The following TTC7B variants were observed in gnomAD, a reference collection of about 807,000 sequenced individuals.
TTC7B encodes the protein tetratricopeptide repeat domain 7B.
In TTC7B, 28 loss-of-function variants were observed where a neutral mutation model predicts 106.8. The observed-to-expected ratio is 0.26, with a 90% CI of 0.19 to 0.36. The LOEUF (loss-of-function observed/expected upper bound fraction) is 0.36. TTC7B is among the 10% of genes least tolerant of loss of function. TTC7B has a pLI of 1.00. For missense variants in TTC7B, 862 were observed against 1,076.4 expected (o/e 0.80, Z 2.79); for synonymous variants, 405 against 430.6 (o/e 0.94, Z 0.74).
chr14:90,776,841 G>A (rs1217977085), intron 3 of TTC7B, among the ~76,000 whole-genome samples: 1 of 152,176 alleles, frequency 6.6e-6, no homozygotes, highest in Non-Finnish European at 1.5e-5. Flanking sequence ...CCACTTCCTA[G>A]CTGTAGGACC....
At position 90,786,348 on chromosome 14, in the gene TTC7B, A is replaced by G. The variant is rs781466365; in HGVS notation, c.122-20T>C. The G allele has an allele frequency of 1.4e-5, 23 of 1,611,876 alleles. No individual in the cohort carries two copies. The East Asian group carries it at 5.1e-4, about 36-fold the overall frequency. On this transcript the variant is annotated intron_variant, in intron 1 of 19. Coordinates refer to ENST00000328459, the MANE Select transcript of TTC7B (RefSeq NM_001010854.2). ...TGTCATCTACAAAAACAAAGTGAGA[A>G]CAAAGTGGGAGCAAGGAATGGCCTG... is the stretch of plus-strand genomic sequence containing the variant.
intron 3 of TTC7B, among the ~76,000 whole-genome samples, chr14:90,760,335 C>T (rs1890457581): frequency 6.6e-6 from 1 of 152,180 alleles, no homozygotes; most frequent in African/African-American, 2.4e-5. Context: ...AAGACTAGGA[C>T]ATATCCTCCA....
chr14:90,744,776 C>T lies in TTC7B; in HGVS notation c.576+16G>A, dbSNP rs1448975135. On this transcript the variant is annotated intron_variant, in intron 4 of 19. Coordinates refer to ENST00000328459, the MANE Select transcript of TTC7B (RefSeq NM_001010854.2). The stretch of plus-strand genomic sequence containing the variant: ...GGGAAAAAGTTATCAGGAACAAACA[C>T]GTGGTCCTCACTTACCCTTTCTATC... 5 of 1,608,004 alleles carry T rather than the reference C, an allele frequency of 3.1e-6. No individual in the cohort carries two copies. Among genetic ancestry groups the T allele is most frequent in the Middle Eastern group, 1.7e-4 (1 of 5,982 alleles).
At chr14:90,779,394 C>G (rs1460873194) in intron 3 of TTC7B, among the ~76,000 whole-genome samples, 1 of 152,182 alleles carries the variant, frequency 6.6e-6, no homozygotes, top group Non-Finnish European at 1.5e-5. Context: ...ACCTCTGCCT[C>G]CCGGGTTTCC....
intron 1 of TTC7B, among the ~76,000 whole-genome samples, chr14:90,804,265 C>T (rs1397569410): frequency 5.9e-5 from 9 of 151,348 alleles, no homozygotes; most frequent in Non-Finnish European, 1.2e-4. Context: ...ACCCGGGAGG[C>T]GGAGCTTGCA....
At chr14:90,668,672 G>A (rs532207673) in intron 9 of TTC7B, among the ~76,000 whole-genome samples, 2 of 152,190 alleles carry the variant, frequency 1.3e-5, no homozygotes, top group South Asian at 2.1e-4. Context: ...CAGGTTCAGC[G>A]AGGTAATGGA....
chr14:90,769,994 A>G (rs1890810293), intron 3 of TTC7B, among the ~76,000 whole-genome samples: 1 of 151,148 alleles, frequency 6.6e-6, no homozygotes, highest in Non-Finnish European at 1.5e-5. Context: ...ACAAAAAATA[A>G]AAAAATTAGT....
At chr14:90,744,132 G>A (rs779621886) in intron 4 of TTC7B, among the ~76,000 whole-genome samples, 1 of 152,220 alleles carries the variant, frequency 6.6e-6, no homozygotes, top group South Asian at 2.1e-4. Flanking sequence ...AGCCCCAGAT[G>A]AACAGGTCTT....
chr14:90,591,927 G>C (rs933325513), intron 18 of TTC7B, among the ~76,000 whole-genome samples: 1 of 152,224 alleles, frequency 6.6e-6, no homozygotes, highest in African/African-American at 2.4e-5. Flanking sequence ...GAGGCCAAAT[G>C]CTGCAGGCGT....
intron 1 of TTC7B, among the ~76,000 whole-genome samples, 180 bp from the exon 2 acceptor site, chr14:90,786,508 A>G (rs1356624295): frequency 6.6e-6 from 1 of 152,196 alleles, no homozygotes; most frequent in African/African-American, 2.4e-5. Flanking sequence ...AATTCAGTTC[A>G]TTTAAAGAAT....
rs114321524 is a variant in TTC7B at position 90,725,827 on chromosome 14, C to T, written c.698+4248G>A. Among the ~76,000 whole-genome samples, 455 of 152,356 alleles carry T rather than the reference C, an allele frequency of 3.0e-3. 3 individuals carry two copies. The highest frequency in any genetic ancestry group is 0.01 in the African/African-American group (424 of 41,584). On this transcript the variant is annotated intron_variant, in intron 5 of 19. Transcript: ENST00000328459. Reference sequence around the variant, plus strand: ...AAGCCAGTGAAAACACACTACAATCCGTTTTGCCTACCCAGGACACCTGAC... The same window carrying T: ...AAGCCAGTGAAAACACACTACAATCTGTTTTGCCTACCCAGGACACCTGAC...
At chr14:90,656,419 A>C (rs189376644) in intron 11 of TTC7B, among the ~76,000 whole-genome samples, 4 of 152,332 alleles carry the variant, frequency 2.6e-5, no homozygotes, top group African/African-American at 7.2e-5. Context: ...TACTCAAATG[A>C]TGTATTTTCT....
intron 2 of TTC7B, among the ~76,000 whole-genome samples, chr14:90,783,326 A>G (rs1891279986): frequency 6.6e-6 from 1 of 152,256 alleles, no homozygotes; most frequent in African/African-American, 2.4e-5. Context: ...AAAGTTTCAC[A>G]TTAGTTGGTG....
intron 6 of TTC7B, among the ~76,000 whole-genome samples, chr14:90,694,677 A>T (rs528975780): frequency 2.4e-4 from 23 of 97,780 alleles, no homozygotes; most frequent in Admixed American, 1.4e-3. Flanking sequence ...ATATATGTAT[A>T]TTTTTATTTT....
intron 15 of TTC7B, among the ~76,000 whole-genome samples, chr14:90,634,894 T>G (rs1203492128): frequency 6.6e-6 from 1 of 152,188 alleles, no homozygotes; most frequent in Non-Finnish European, 1.5e-5. Flanking sequence ...CAGTGAATAC[T>G]GAACAGGATT....
intron 1 of TTC7B, among the ~76,000 whole-genome samples, chr14:90,806,749 A>G (rs2030632284): frequency 6.6e-6 from 1 of 152,042 alleles, no homozygotes; most frequent in South Asian, 2.1e-4. Context: ...TCTACAAAAA[A>G]TACAAAAATC....
chr14:90,648,377 G>A (rs967170405), intron 13 of TTC7B: 1 of 151,986 alleles, frequency 6.6e-6, no homozygotes, highest in African/African-American at 2.4e-5. Context: ...TTCAGACAGG[G>A]TCTTACTCTA....
chr14:90,698,136 C>T (rs566538969), intron 5 of TTC7B: 1 of 152,226 alleles, frequency 6.6e-6, no homozygotes, highest in African/African-American at 2.4e-5. Context: ...CCCAGGAAAT[C>T]CTGTCTTCCA....
intron 14 of TTC7B, among the ~76,000 whole-genome samples, chr14:90,646,032 T>C (rs1885432946): frequency 6.6e-6 from 1 of 152,224 alleles, no homozygotes; most frequent in Non-Finnish European, 1.5e-5. Flanking sequence ...CCACACCTGC[T>C]GCAGAAGCCC....
Sources: gnomAD v4.1 joint callset for allele counts (sites outside exome capture counted in the v4.1 genomes callset) on GRCh38, gnomAD v4.1.1 for gene constraint, MANE v1.5 for transcripts, NCBI Gene and HGNC (gene_info 2026-07-23, HGNC 2026-07-21) for gene names.